Variants in NTM observed in about 807,000 individuals in gnomAD.
The protein encoded by NTM is neurotrimin.
A neutral mutation model predicts 42.1 loss-of-function variants in NTM; 13 were observed. That is an observed-to-expected ratio of 0.31 (90% CI 0.20 to 0.49). The LOEUF (loss-of-function observed/expected upper bound fraction) is 0.49, where lower values mean the gene tolerates loss of function less well. Ranked by LOEUF, NTM falls within the 20% of genes least tolerant of loss-of-function variation. NTM has a pLI of 0.99. For missense variants in NTM, 373 were observed against 452.8 expected, an observed-to-expected ratio of 0.82 and a Z score of 1.60; for synonymous variants, 187 against 179.2, an observed-to-expected ratio of 1.04 and a Z score of -0.35.
intron 1 of NTM, among the ~76,000 whole-genome samples, chr11:131,556,321 T>C (rs1281042086): frequency 6.6e-6 from 1 of 152,148 alleles, no homozygotes; most frequent in Admixed American, 6.5e-5. Flanking sequence ...GTCAAGAGTG[T>C]ACATTTAGAA....
chr11:131,589,167 A>ATTGTGTGTGTGTG (rs367629981), intron 1 of NTM, among the ~76,000 whole-genome samples: 1 of 143,508 alleles, frequency 7.0e-6, no homozygotes, highest in African/African-American at 2.6e-5. Context: ...ACCTGGAAAA[A>ATTGTGTGTGTGTG]TGTGTGTGTG....
At position 131,698,129 on chromosome 11, in the gene NTM, CT is replaced by C. The variant is rs202139292; in HGVS notation, c.83-213429del. Among the ~76,000 whole-genome samples, 215 of 152,228 alleles carry C rather than the reference CT, an allele frequency of 1.4e-3. 3 individuals are homozygous for C. In the East Asian group the frequency reaches 0.02, roughly 14 times the overall value. On this transcript the variant is annotated intron_variant, in intron 1 of 8. Transcript: ENST00000683400. ...ATTGCCCCCATGTTAATATTGGGAT[CT>C]TTTTTCTAATTCAACTTTTAGAGGC...
At chr11:132,334,686 A>C (rs1216541616) in intron 8 of NTM, among the ~76,000 whole-genome samples, 1 of 152,118 alleles carries the variant, frequency 6.6e-6, no homozygotes, top group Non-Finnish European at 1.5e-5. Flanking sequence ...TCAGCACAGT[A>C]GTCTGACTTT....
intron 7 of NTM, among the ~76,000 whole-genome samples, chr11:132,316,039 T>TC (rs957594469): frequency 6.6e-6 from 1 of 151,742 alleles, no homozygotes; most frequent in African/African-American, 2.4e-5. Context: ...AATCTAAGGC[T>TC]CCCCCTCAGT....
intron 6 of NTM, among the ~76,000 whole-genome samples, chr11:132,313,051 G>A (rs1014704756): frequency 1.3e-5 from 2 of 152,118 alleles, no homozygotes; most frequent in East Asian, 1.9e-4. Context: ...TGAGAACTCC[G>A]GCCAGAACCT....
At position 132,309,987 on chromosome 11, in the gene NTM, C is replaced by G. The variant is rs189087762; in HGVS notation, c.662-125C>G. The G allele has an allele frequency of 1.2e-4, 140 of 1,173,950 alleles. 1 individual carries two copies. In the African/African-American group the frequency reaches 1.7e-3, roughly 14 times the overall value. 72.7% of individuals were successfully genotyped at this position (1,173,950 alleles called of 1,614,324 possible). On this transcript the variant is annotated intron_variant, in intron 5 of 8. Coordinates refer to ENST00000683400, the MANE Select transcript of NTM (RefSeq NM_001352005.2). The stretch of plus-strand genomic sequence containing the variant: ...AGGAGAATTGCTTGAACCCGGGAGG[C>G]AGAACGTGCAGTGAGCCAAGATCAT...
chr11:132,058,480 T>A (rs1225886948), intron 2 of NTM, among the ~76,000 whole-genome samples: 2 of 152,124 alleles, frequency 1.3e-5, no homozygotes, highest in Non-Finnish European at 2.9e-5. Flanking sequence ...CTTTCTGACT[T>A]CTCCCACTGC....
At chr11:131,549,641 T>C (rs1272477481) in intron 1 of NTM, among the ~76,000 whole-genome samples, 2 of 152,190 alleles carry the variant, frequency 1.3e-5, no homozygotes, top group Non-Finnish European at 2.9e-5. Context: ...GGGCTGTGCT[T>C]TCTGGGACCC....
chr11:132,269,970 CAAAATAT>C (rs754898728), intron 4 of NTM, among the ~76,000 whole-genome samples: 1 of 152,172 alleles, frequency 6.6e-6, no homozygotes, highest in Non-Finnish European at 1.5e-5. Context: ...CCAACTTAAT[CAAAATAT>C]AAAACCTCTC....
At chr11:132,227,982 C>A (rs1310579860) in intron 4 of NTM, among the ~76,000 whole-genome samples, 3 of 152,190 alleles carry the variant, frequency 2.0e-5, no homozygotes, top group Non-Finnish European at 4.4e-5. Flanking sequence ...TTTAACCCTG[C>A]ATGACCAGAT....
intron 2 of NTM, among the ~76,000 whole-genome samples, chr11:131,960,974 A>C (rs1053290151): frequency 1.3e-5 from 2 of 152,202 alleles, no homozygotes; most frequent in African/African-American, 4.8e-5. Flanking sequence ...GGATTTGGAC[A>C]ACAGCGTCTT....
At chr11:132,160,905 G>A (rs532730327) in intron 3 of NTM, among the ~76,000 whole-genome samples, 1 of 152,170 alleles carries the variant, frequency 6.6e-6, no homozygotes, top group Non-Finnish European at 1.5e-5. Flanking sequence ...GGAGAGACCC[G>A]AGAGGGGAGC....
At chr11:131,602,316 G>A (rs1469958557) in intron 1 of NTM, among the ~76,000 whole-genome samples, 1 of 152,054 alleles carries the variant, frequency 6.6e-6, no homozygotes, top group Non-Finnish European at 1.5e-5. Context: ...GTAAGGACAG[G>A]GGTTTCCATC....
At chr11:131,774,799 C>G (rs2086703214) in intron 1 of NTM, among the ~76,000 whole-genome samples, 1 of 152,202 alleles carries the variant, frequency 6.6e-6, no homozygotes, top group Non-Finnish European at 1.5e-5. Flanking sequence ...GCTGTGGGCT[C>G]TTCCTAGATG....
chr11:131,865,875 A>G (rs1176576088), intron 1 of NTM, among the ~76,000 whole-genome samples: 1 of 127,836 alleles, frequency 7.8e-6, no homozygotes, highest in South Asian at 2.5e-4. Context: ...CACACATGCT[A>G]CACACACACC....
chr11:131,889,374 C>T (rs928743941), intron 1 of NTM, among the ~76,000 whole-genome samples: 1 of 152,176 alleles, frequency 6.6e-6, no homozygotes, highest in African/African-American at 2.4e-5. Flanking sequence ...GGCCACACCC[C>T]AGCCCATACC....
At chr11:132,048,826 T>C (rs959033517) in intron 2 of NTM, among the ~76,000 whole-genome samples, 10 of 118,456 alleles carry the variant, frequency 8.4e-5, no homozygotes, top group South Asian at 2.7e-4. Context: ...TTCTTTTTTT[T>C]TTTTTTTTTT....
chr11:131,850,722 A>T (rs2045430370), intron 1 of NTM, among the ~76,000 whole-genome samples: 1 of 152,216 alleles, frequency 6.6e-6, no homozygotes, highest in Non-Finnish European at 1.5e-5. Flanking sequence ...TCACCAGGTC[A>T]GGCGGTGCCA....
chr11:132,214,672 C>A lies in NTM; in HGVS notation c.526+2525C>A, dbSNP rs545082092. Among the ~76,000 whole-genome samples the A allele has an allele frequency of 3.3e-5, 5 of 152,232 alleles. No individual in the cohort carries two copies. In the East Asian group the frequency reaches 9.7e-4, roughly 30 times the overall value. On this transcript the variant is annotated intron_variant, in intron 4 of 8. Transcript: ENST00000683400. ...CTTGGGTTTGCCTGGCTGATGTTCA[C>A]AAGGCTGTGTGTTAGAGTCTTTTGT...
Sources: gnomAD v4.1 joint callset for allele counts (sites outside exome capture counted in the v4.1 genomes callset) on GRCh38, gnomAD v4.1.1 for gene constraint, MANE v1.5 for transcripts, NCBI Gene and HGNC (gene_info 2026-07-23, HGNC 2026-07-21) for gene names.